GRIP1: variants seen among roughly 807,000 people sequenced by gnomAD.
GRIP1 encodes glutamate receptor interacting protein 1, also known as glutamate receptor-interacting protein 1.
In GRIP1, 45 loss-of-function variants were observed where a neutral mutation model predicts 129.9. The ratio of observed to expected loss-of-function variants is 0.35; its 90% CI spans 0.27 to 0.44. The LOEUF is 0.44. GRIP1 is among the 20% of genes least tolerant of loss of function. The pLI is 1.00. For synonymous variants in GRIP1, 530 were observed against 520.8 expected, an observed-to-expected ratio of 1.02 and a Z score of -0.24; for missense variants, 1,196 against 1,396.8, an observed-to-expected ratio of 0.86 and a Z score of 2.29.
In GRIP1 at chr12:66,890,578, G is replaced by A. The variant is rs575604986; in HGVS notation, c.58+178472C>T. The stretch of plus-strand genomic sequence containing the variant: ...GTCAGAGAAAGATGACACAACATTC[G>A]AAAGTACTACAGCTGCAACTAAATA... On this transcript the variant is annotated intron_variant, in intron 1 of 1. Transcript: ENST00000643019. 7.2e-5 allele frequency among the ~76,000 whole-genome samples: 11 copies of A among 152,188 alleles called. No homozygotes were observed. In the South Asian group the frequency reaches 1.9e-3, roughly 26 times the overall value.
intron 7 of GRIP1, among the ~76,000 whole-genome samples, chr12:66,477,790 A>G (rs1002513068): frequency 5.6e-5 from 8 of 144,076 alleles, no homozygotes; most frequent in African/African-American, 2.0e-4. Flanking sequence ...AGGATTCCCT[A>G]TTTAACAAAT....
intron 1 of GRIP1, among the ~76,000 whole-genome samples, chr12:66,836,382 G>A (rs895724695): frequency 6.6e-5 from 10 of 152,084 alleles, no homozygotes; most frequent in African/African-American, 2.4e-4. Flanking sequence ...TTTTATATAA[G>A]CCAGCTACTT....
chr12:66,404,981 G>A (rs2057139323), intron 16 of GRIP1, among the ~76,000 whole-genome samples: 1 of 152,164 alleles, frequency 6.6e-6, no homozygotes, highest in South Asian at 2.1e-4. Flanking sequence ...GCAGTGAGCA[G>A]AGTTGGCGCC....
chr12:67,002,812 G>T (rs1364577061), intron 1 of GRIP1, among the ~76,000 whole-genome samples: 1 of 151,476 alleles, frequency 6.6e-6, no homozygotes, highest in African/African-American at 2.4e-5. Context: ...TAACTTCAGA[G>T]ACTTCTCTAA....
At chr12:66,593,843 C>T (rs377349124) in intron 2 of GRIP1, among the ~76,000 whole-genome samples, 39 of 151,938 alleles carry the variant, frequency 2.6e-4, no homozygotes, top group African/African-American at 8.9e-4. Context: ...CTGAGGTGGG[C>T]GGATCACGAG....
At chr12:66,861,697 C>T (rs969726694) in intron 1 of GRIP1, among the ~76,000 whole-genome samples, 1 of 152,008 alleles carries the variant, frequency 6.6e-6, no homozygotes, top group African/African-American at 2.4e-5. Flanking sequence ...ATAGTTCACA[C>T]TATTTTGCAG....
At chr12:66,695,434 G>A (rs1214433577) in intron 1 of GRIP1, among the ~76,000 whole-genome samples, 3 of 152,116 alleles carry the variant, frequency 2.0e-5, no homozygotes, top group African/African-American at 4.8e-5. Flanking sequence ...TGGGCCACAC[G>A]AGAGGAGGAG....
In GRIP1 at chr12:66,678,830, T is replaced by G; in HGVS notation, c.55+20A>C. ...TACTGCAACAGACTCGCTGAGGGAA[T>G]AACAAGGAAAGCACGATACCTTTAG... On this transcript the variant is annotated intron_variant, in intron 1 of 24. Coordinates refer to ENST00000359742, the MANE Select transcript of GRIP1 (RefSeq NM_001366722.1). 5.6e-6 allele frequency: 9 copies of G among 1,610,198 alleles called. No individual in the cohort carries two copies. The highest frequency in any genetic ancestry group is 7.6e-6 in the Non-Finnish European group (9 of 1,176,750).
rs1216136043 is a variant in GRIP1, at chr12:66,356,562, T to C, written c.3013-2999A>G. 5.3e-5 allele frequency among the ~76,000 whole-genome samples: 8 copies of C among 152,256 alleles called. No individual in the cohort carries two copies. The East Asian group carries it at 1.2e-3, about 22-fold the overall frequency. On this transcript the variant is annotated intron_variant, in intron 23 of 24. Transcript: ENST00000359742. ...GAAAATATTCTTGGTGAAAATTTCA[T>C]ACATATTCTAGAGTAGAGAGGTTGG...
At chr12:67,031,640 GCTCT>G (rs929835674) in intron 1 of GRIP1, among the ~76,000 whole-genome samples, 13 of 152,070 alleles carry the variant, frequency 8.5e-5, no homozygotes, top group Admixed American at 3.3e-4. Flanking sequence ...TTACCTGACC[GCTCT>G]CTCTATCCTT....
At chr12:66,591,766 A>T (rs2063854617) in intron 2 of GRIP1, among the ~76,000 whole-genome samples, 1 of 151,982 alleles carries the variant, frequency 6.6e-6, no homozygotes, top group Admixed American at 6.6e-5. Context: ...AGTAGCTGGG[A>T]CCACACGTGC....
chr12:67,067,781 C>T (rs1212853373), intron 1 of GRIP1, among the ~76,000 whole-genome samples: 1 of 152,150 alleles, frequency 6.6e-6, no homozygotes, highest in Non-Finnish European at 1.5e-5. Flanking sequence ...AAGCCACCGT[C>T]CATACCAGCT....
intron 1 of GRIP1, among the ~76,000 whole-genome samples, chr12:66,730,502 C>T (rs2036398715): frequency 6.6e-6 from 1 of 151,940 alleles, no homozygotes; most frequent in East Asian, 1.9e-4. Flanking sequence ...TAGCAATCTC[C>T]TGAGTTTACA....
chr12:66,533,865 A>T (rs868190009), intron 4 of GRIP1, among the ~76,000 whole-genome samples: 1 of 134,230 alleles, frequency 7.4e-6, no homozygotes, highest in Admixed American at 7.3e-5. Flanking sequence ...ACACACACTC[A>T]CACACACACA....
At chr12:66,657,915 G>C (rs187405776) in intron 1 of GRIP1, among the ~76,000 whole-genome samples, 7 of 152,162 alleles carry the variant, frequency 4.6e-5, no homozygotes, top group African/African-American at 1.7e-4. Flanking sequence ...AAAAAGTCAT[G>C]TTTCAAGAAT....
chr12:67,000,869 T>C (rs2042541095), intron 1 of GRIP1, among the ~76,000 whole-genome samples: 1 of 152,202 alleles, frequency 6.6e-6, no homozygotes, highest in Admixed American at 6.6e-5. Context: ...GAATGTTAGA[T>C]AAACAATGAA....
intron 1 of GRIP1, among the ~76,000 whole-genome samples, chr12:66,932,616 T>A (rs1031698141): frequency 1.3e-5 from 2 of 151,592 alleles, no homozygotes; most frequent in African/African-American, 4.9e-5. Flanking sequence ...AAAAAAAAAA[T>A]TCCGAGGAGC....
intron 1 of GRIP1, among the ~76,000 whole-genome samples, chr12:66,730,818 G>GA (rs940844965): frequency 2.5e-4 from 37 of 148,776 alleles, no homozygotes; most frequent in East Asian, 9.9e-4. Flanking sequence ...ATTCAAATTT[G>GA]AAAAAAAAAT....
At chr12:66,368,739 C>A (rs1000284788) in intron 23 of GRIP1, among the ~76,000 whole-genome samples, 1 of 152,182 alleles carries the variant, frequency 6.6e-6, no homozygotes, top group African/African-American at 2.4e-5. Flanking sequence ...ATTCCTTTAA[C>A]AAGTCACTTG....
Sources: allele counts gnomAD v4.1 joint callset (sites outside exome capture counted in the v4.1 genomes callset), GRCh38; gene constraint gnomAD v4.1.1; transcripts MANE v1.5; gene names NCBI Gene and HGNC (gene_info 2026-07-23, HGNC 2026-07-21).